Variants in MYO1E observed in about 807,000 individuals in gnomAD.
MYO1E encodes unconventional myosin-Ie.
In MYO1E, 68 loss-of-function variants were observed where a neutral mutation model predicts 151.1. The ratio of observed to expected loss-of-function variants is 0.45; its 90% CI spans 0.37 to 0.55. The LOEUF is 0.55. MYO1E is among the 20% of genes least tolerant of loss of function. The pLI is 0.00. For synonymous variants in MYO1E, 601 were observed against 501.7 expected, an observed-to-expected ratio of 1.20 and a Z score of -2.64; for missense variants, 1,363 against 1,389.3, an observed-to-expected ratio of 0.98 and a Z score of 0.30.
intron 10 of MYO1E, among the ~76,000 whole-genome samples, chr15:59,217,324 T>C (rs1274192095): frequency 6.6e-6 from 1 of 152,006 alleles, no homozygotes; most frequent in Admixed American, 6.6e-5. Flanking sequence ...CTTTTTCTGG[T>C]CTCTAGTCCT....
Position 59,236,352 on chromosome 15 carries a change from G to GAAAAA in MYO1E, c.420+228_420+232dup, listed in dbSNP as rs57488716. Among the ~76,000 whole-genome samples, 107 of 116,706 alleles carry GAAAAA rather than the reference G, an allele frequency of 9.2e-4. 8 individuals are homozygous for GAAAAA. Among genetic ancestry groups the GAAAAA allele is most frequent in the African/African-American group, 3.4e-3 (102 of 30,328 alleles). 76.6% of individuals were successfully genotyped at this position (116,706 alleles called of 152,430 possible). The stretch of plus-strand genomic sequence containing the variant: ...CAGAGCAAGACTCTGTCTCAAAAAA[G>GAAAAA]AAAAAAAAAAAATATATACACACAC... On this transcript the variant is annotated intron_variant, in intron 5 of 27. Coordinates refer to ENST00000288235, the MANE Select transcript of MYO1E (RefSeq NM_004998.4).
At chr15:59,366,330 C>T (rs2080913485) in intron 1 of MYO1E, among the ~76,000 whole-genome samples, 1 of 151,344 alleles carries the variant, frequency 6.6e-6, no homozygotes, top group Admixed American at 6.6e-5. Flanking sequence ...CTCTCTCACT[C>T]TCACCCAGGC....
intron 4 of MYO1E, among the ~76,000 whole-genome samples, chr15:59,243,904 G>A (rs1477192187): frequency 6.6e-6 from 1 of 151,742 alleles, no homozygotes; most frequent in Non-Finnish European, 1.5e-5. Flanking sequence ...CCGCTTCCTG[G>A]CAGCCCTACT....
intron 10 of MYO1E, among the ~76,000 whole-genome samples, chr15:59,217,638 C>CTA (rs1308406404): frequency 8.5e-5 from 12 of 140,782 alleles, no homozygotes; most frequent in Non-Finnish European, 6.0e-5. Context: ...TGATCTTAAC[C>CTA]ACCTCAGCCT....
chr15:59,277,566 A>AAAAAAAAC (rs1567000062), intron 1 of MYO1E, among the ~76,000 whole-genome samples: 2 of 46,208 alleles, frequency 4.3e-5, no homozygotes, highest in African/African-American at 8.3e-5. Flanking sequence ...AAAAAAAAAA[A>AAAAAAAAC]AAAAAAACAT....
chr15:59,300,564 C>T (rs1449872000), intron 1 of MYO1E, among the ~76,000 whole-genome samples: 2 of 152,174 alleles, frequency 1.3e-5, no homozygotes, highest in East Asian at 1.9e-4. Context: ...ACCCATGATG[C>T]GGTCACACTT....
At chr15:59,303,783 A>G (rs369796689) in intron 1 of MYO1E, among the ~76,000 whole-genome samples, 39 of 152,224 alleles carry the variant, frequency 2.6e-4, no homozygotes, top group African/African-American at 9.4e-4. Flanking sequence ...ACTGCACACA[A>G]AACCATTGCT....
rs369387387 is a variant in MYO1E at position 59,210,611 on chromosome 15, G to A, written c.1276-11C>T. On this transcript the variant is annotated splice_polypyrimidine_tract_variant and intron_variant, in intron 12 of 27. Transcript: ENST00000288235. ...TTGAACATATTCTTCCTGTAACACA[G>A]AGACAAGGAACTCACATTATTTCCC... 2 of 1,551,742 alleles carry A rather than the reference G, an allele frequency of 1.3e-6. No homozygotes were observed. The highest frequency in any genetic ancestry group is 1.8e-6 in the Non-Finnish European group (2 of 1,123,404).
chr15:59,351,495 A>C (rs12595245), intron 1 of MYO1E, among the ~76,000 whole-genome samples: 1 of 152,220 alleles, frequency 6.6e-6, no homozygotes, highest in African/African-American at 2.4e-5. Context: ...TTTAGACCGT[A>C]ATGCATTTTG....
At chr15:59,276,486 A>T (rs1019615322) in intron 1 of MYO1E, among the ~76,000 whole-genome samples, 1 of 152,216 alleles carries the variant, frequency 6.6e-6, no homozygotes, top group Non-Finnish European at 1.5e-5. Flanking sequence ...AGTTACTCTT[A>T]TCCCTGACAC....
chr15:59,304,360 G>A (rs1355925333), intron 1 of MYO1E, among the ~76,000 whole-genome samples: 1 of 152,100 alleles, frequency 6.6e-6, no homozygotes, highest in Admixed American at 6.5e-5. Flanking sequence ...GGCAGGGCTG[G>A]GTTCCTACGC....
At chr15:59,296,796 T>C (rs4238336) in intron 1 of MYO1E, among the ~76,000 whole-genome samples, 114,362 of 150,822 alleles carry the variant, frequency 0.76, 43,613 homozygotes, top group South Asian at 0.89. Context: ...TTAAATTCAA[T>C]ACAACAGTTA....
chr15:59,223,506 G>C (rs1302618511), intron 8 of MYO1E, among the ~76,000 whole-genome samples: 6 of 152,134 alleles, frequency 3.9e-5, no homozygotes, highest in African/African-American at 1.4e-4. Flanking sequence ...AGGAATAAGA[G>C]AATACTCCAG....
intron 1 of MYO1E, among the ~76,000 whole-genome samples, chr15:59,304,031 G>A (rs999772019): frequency 3.4e-5 from 5 of 148,476 alleles, no homozygotes. Context: ...CACCCAGGCT[G>A]GAGTGCAACG....
rs74017747 is a variant in MYO1E at position 59,360,066 on chromosome 15, T to C, written c.3+12432A>G. On this transcript the variant is annotated intron_variant, in intron 1 of 27. Transcript: ENST00000288235. ...AAGATAAGAACAGTGAAATCAAGATTGGTCATGAGTTGTCAACGGCTGAAG... is the reference window on the plus strand; with the variant it reads ...AAGATAAGAACAGTGAAATCAAGATCGGTCATGAGTTGTCAACGGCTGAAG... Among the ~76,000 whole-genome samples, 1,386 of 152,316 alleles carry C rather than the reference T, an allele frequency of 9.1e-3. 26 individuals are homozygous for C. Among genetic ancestry groups the C allele is most frequent in the African/African-American group, 0.032 (1,320 of 41,552 alleles).
rs1416578602 is a variant in MYO1E at position 59,135,213 on chromosome 15, GGTGTTACTC to G, written c.*2158_*2166del. On this transcript the variant is annotated 3_prime_UTR_variant, in exon 28 of 28. Coordinates refer to ENST00000288235, the MANE Select transcript of MYO1E (RefSeq NM_004998.4). ...TTGGTCTGTGATTTCCATGGATGAG[GGTGTTACTC>G]GTGGGGGTTTAACTCAGTCCCTGTT... is the stretch of plus-strand genomic sequence containing the variant. The G allele has an allele frequency of 3.9e-5, 6 of 152,158 alleles. No homozygotes were observed. The highest frequency in any genetic ancestry group is 7.3e-5 in the Non-Finnish European group (5 of 68,042). 9.4% of individuals were successfully genotyped at this position (152,158 alleles called of 1,614,324 possible). A position where few individuals can be genotyped will look rare whatever the true frequency, so the allele number is the denominator to read the frequency against.
At chr15:59,297,045 A>AG (rs2080454149) in intron 1 of MYO1E, among the ~76,000 whole-genome samples, 1 of 66,206 alleles carries the variant, frequency 1.5e-5, no homozygotes, top group Non-Finnish European at 3.3e-5. Flanking sequence ...GTAGAGACAG[A>AG]GTTTCACTGT....
chr15:59,158,842 C>T (rs1385572676), intron 24 of MYO1E, among the ~76,000 whole-genome samples: 1 of 152,184 alleles, frequency 6.6e-6, no homozygotes, highest in African/African-American at 2.4e-5. Flanking sequence ...GTGTGTTCTA[C>T]GGTCCTTGAA....
At chr15:59,333,227 C>T (rs1337336361) in intron 1 of MYO1E, among the ~76,000 whole-genome samples, 2 of 152,006 alleles carry the variant, frequency 1.3e-5, no homozygotes, top group African/African-American at 4.8e-5. Flanking sequence ...TCATCACTAT[C>T]TACTTTCTTT....
Sources: allele counts gnomAD v4.1 joint callset (sites outside exome capture counted in the v4.1 genomes callset), GRCh38; gene constraint gnomAD v4.1.1; transcripts MANE v1.5; gene names NCBI Gene and HGNC (gene_info 2026-07-23, HGNC 2026-07-21).